Variants in MTMR8 observed in about 807,000 individuals in gnomAD.
The protein encoded by MTMR8 is phosphatidylinositol-3,5-bisphosphate 3-phosphatase MTMR8.
Under a neutral mutation model 39.3 loss-of-function variants are expected in MTMR8, and 65 were observed. That is an observed-to-expected ratio of 1.65 (90% CI 1.35 to 2.03). MTMR8 has a LOEUF of 2.03. Among genes scored for constraint, MTMR8 ranks in the 30% most tolerant of loss-of-function variants. The probability of loss-of-function intolerance (pLI) is 0.00; values close to 1 mark genes in which losing one functional copy is unlikely to be tolerated. For synonymous variants in MTMR8, 245 were observed against 185.2 expected (o/e 1.32, Z -2.62); for missense variants, 777 against 538.9 (o/e 1.44, Z -4.37).
chrX:64,336,025 T>C, intron 10 of MTMR8, 54 bp downstream of exon 10: 1 of 954,282 alleles, frequency 1.0e-6, no homozygotes, highest in Non-Finnish European at 1.5e-6. Context: ...TTTGATATAC[T>C]TCACCCTAAT....
intron 12 of MTMR8, chrX:64,305,940 C>A (rs1463007003): frequency 4.8e-6 from 1 of 210,348 alleles, no homozygotes. Flanking sequence ...CATGGTGAGA[C>A]CCTGTCTCTA....
chrX:64,368,930 C>T (rs1488861512), intron 1 of MTMR8, among the ~76,000 whole-genome samples: 1 of 111,861 alleles, frequency 8.9e-6, no homozygotes, highest in Non-Finnish European at 1.9e-5. Flanking sequence ...TCAAACAACC[C>T]CATCAAAAAG....
intron 1 of MTMR8, among the ~76,000 whole-genome samples, chrX:64,365,934 A>G (rs1923940423): frequency 8.9e-6 from 1 of 111,765 alleles, no homozygotes; most frequent in Admixed American, 9.5e-5. Flanking sequence ...GAAAATGGAA[A>G]GCAAAAAAAA....
chrX:64,363,364 C>G (rs990896788), intron 1 of MTMR8, among the ~76,000 whole-genome samples: 1 of 111,261 alleles, frequency 9.0e-6, no homozygotes, highest in African/African-American at 3.3e-5. Context: ...GATTTAGCCC[C>G]ATCCTTTCAT....
intron 1 of MTMR8, among the ~76,000 whole-genome samples, chrX:64,381,622 G>T (rs1356659053): frequency 1.8e-5 from 2 of 110,977 alleles, no homozygotes; most frequent in Admixed American, 9.6e-5. Context: ...GATCTCATTT[G>T]TCAATTTTGG....
At chrX:64,356,036 AC>A (rs1923613868) in intron 3 of MTMR8, 139 bp downstream of exon 3, 3 of 559,474 alleles carry the variant, frequency 5.4e-6, no homozygotes, top group Non-Finnish European at 8.6e-6. Flanking sequence ...AGGTTATATA[AC>A]TTGCCCAAAT....
chrX:64,358,847 A>T (rs1923697681), intron 2 of MTMR8, among the ~76,000 whole-genome samples: 2 of 105,559 alleles, frequency 1.9e-5, no homozygotes, highest in Admixed American at 1.0e-4. Flanking sequence ...GTGCATGCAC[A>T]CACACACACA....
At chrX:64,283,021 C>T (rs765110595) in intron 12 of MTMR8, among the ~76,000 whole-genome samples, 7 of 111,829 alleles carry the variant, frequency 6.3e-5, no homozygotes, top group South Asian at 3.7e-4. Flanking sequence ...TGAAACAGGG[C>T]GAGGCATCGC....
At chrX:64,293,398 G>T (rs1921466289) in intron 12 of MTMR8, among the ~76,000 whole-genome samples, 1 of 111,562 alleles carries the variant, frequency 9.0e-6, no homozygotes, top group African/African-American at 3.3e-5. Flanking sequence ...CCGTGGTTTA[G>T]CTTGAACCCT....
chrX:64,347,368 G>A (rs964803317), intron 6 of MTMR8, among the ~76,000 whole-genome samples: 3 of 111,849 alleles, frequency 2.7e-5, no homozygotes, highest in African/African-American at 6.5e-5. Flanking sequence ...ATACAGACTC[G>A]ATTAAACTCT....
At chrX:64,301,199 C>A (rs1447739672) in intron 12 of MTMR8, among the ~76,000 whole-genome samples, 1 of 110,044 alleles carries the variant, frequency 9.1e-6, no homozygotes, top group Non-Finnish European at 1.9e-5. Flanking sequence ...TTCTCCTCAT[C>A]ACTTTCAGGT....
At position 64,360,460 on chromosome X, in the gene MTMR8, T is replaced by G. The variant is rs1293274042; in HGVS notation, c.25-933A>C. Reference sequence around the variant, plus strand: ...ATTACAACTGAAAAACTCAAGCTATTATATACAGAGTAGGACTCTATATCC... The same window carrying G: ...ATTACAACTGAAAAACTCAAGCTATGATATACAGAGTAGGACTCTATATCC... On this transcript the variant is annotated intron_variant, in intron 1 of 13. Transcript: ENST00000374852. The G allele has an allele frequency of 5.1e-5, 13 of 256,596 alleles. No individual in the cohort carries two copies. The Admixed American group carries it at 6.2e-4, about 12-fold the overall frequency. The allele number at this position is 256,596 out of a possible 1,213,427, so 21.1% of individuals were successfully genotyped here.
chrX:64,269,101 AAC>A, intron 13 of MTMR8, 58 bp from the exon 14 acceptor site: 1 of 1,112,838 alleles, frequency 9.0e-7, no homozygotes, highest in Admixed American at 2.4e-5. Context: ...AAACTAGGCA[AAC>A]ATTACCTTGA....
chrX:64,341,479 CAAAAAAAAAAAAA>C (rs758580930), intron 8 of MTMR8, among the ~76,000 whole-genome samples: 2 of 25,533 alleles, frequency 7.8e-5, no homozygotes, highest in East Asian at 2.6e-3. Flanking sequence ...AACTCTGTCT[CAAAAAAAAAAAAA>C]AAAAAAAAAA....
chrX:64,295,043 A>G (rs1369673199), intron 12 of MTMR8, among the ~76,000 whole-genome samples: 1 of 110,917 alleles, frequency 9.0e-6, no homozygotes, highest in Non-Finnish European at 1.9e-5. Context: ...CTGGTAAAGA[A>G]GATCCAACAT....
At chrX:64,289,634 CGCAAAAAAAA>C (rs1284006180) in intron 12 of MTMR8, among the ~76,000 whole-genome samples, 2 of 40,831 alleles carry the variant, frequency 4.9e-5, no homozygotes, top group African/African-American at 7.8e-4. Flanking sequence ...GAGACTCCAT[CGCAAAAAAAA>C]AAAAAAAAAA....
At chrX:64,353,320 G>A (rs187222966) in intron 4 of MTMR8, among the ~76,000 whole-genome samples, 1 of 111,862 alleles carries the variant, frequency 8.9e-6, no homozygotes, top group African/African-American at 3.2e-5. Flanking sequence ...CACAGAATAG[G>A]AGAAAATATT....
intron 4 of MTMR8, among the ~76,000 whole-genome samples, chrX:64,353,758 T>A (rs1291237895): frequency 1.8e-5 from 2 of 110,265 alleles, no homozygotes; most frequent in East Asian, 2.9e-4. Flanking sequence ...GAATCCCATC[T>A]CTACAAAAAA....
At chrX:64,374,165 C>A (rs1052778959) in intron 1 of MTMR8, among the ~76,000 whole-genome samples, 2 of 111,378 alleles carry the variant, frequency 1.8e-5, no homozygotes, top group Non-Finnish European at 3.8e-5. Context: ...CAAACATGAA[C>A]CCAACTCAAT....
Sources: allele counts gnomAD v4.1 joint callset (sites outside exome capture counted in the v4.1 genomes callset), GRCh38; gene constraint gnomAD v4.1.1; transcripts MANE v1.5; gene names NCBI Gene and HGNC (gene_info 2026-07-23, HGNC 2026-07-21).